Variants in CSMD3 observed in about 807,000 individuals in gnomAD.
The protein encoded by CSMD3 is CUB and sushi domain-containing protein 3.
In CSMD3, 177 loss-of-function variants were observed where a neutral mutation model predicts 435.2. The observed-to-expected ratio is 0.41, with a 90% CI of 0.36 to 0.46. The LOEUF is 0.46. Ranked by LOEUF, CSMD3 falls within the 20% of genes least tolerant of loss-of-function variation. CSMD3 has a pLI of 0.34. For synonymous variants in CSMD3, 1,656 were observed against 1,520.5 expected (o/e 1.09, Z -2.07); for missense variants, 4,265 against 4,504.6 (o/e 0.95, Z 1.52).
intron 3 of CSMD3, among the ~76,000 whole-genome samples, chr8:113,227,057 T>C (rs1474224233): frequency 6.6e-6 from 1 of 151,594 alleles, no homozygotes; most frequent in African/African-American, 2.4e-5. Flanking sequence ...GGTTTTAAAA[T>C]AAGCAAAAGG....
chr8:112,497,038 T>C (rs1449660928), intron 30 of CSMD3, among the ~76,000 whole-genome samples: 1 of 152,166 alleles, frequency 6.6e-6, no homozygotes, highest in African/African-American at 2.4e-5. Context: ...ACACATTGTA[T>C]ACCTGTATCA....
chr8:112,813,014 T>TA (rs2079270463), intron 12 of CSMD3, among the ~76,000 whole-genome samples: 1 of 152,132 alleles, frequency 6.6e-6, no homozygotes, highest in Non-Finnish European at 1.5e-5. Context: ...GAAAATGTTG[T>TA]AGAAAAAAAC....
At chr8:113,146,985 C>T (rs886181846) in intron 4 of CSMD3, among the ~76,000 whole-genome samples, 1 of 151,580 alleles carries the variant, frequency 6.6e-6, no homozygotes, top group Non-Finnish European at 1.5e-5. Flanking sequence ...AGGTGATATG[C>T]ACAACTGAGC....
intron 13 of CSMD3, among the ~76,000 whole-genome samples, chr8:112,786,994 T>C (rs1253632839): frequency 2.6e-5 from 4 of 152,166 alleles, no homozygotes; most frequent in Admixed American, 2.0e-4. Flanking sequence ...TTTGGTTTTC[T>C]GTTCCTGTGT....
chr8:112,688,511 A>G (rs1348456880), intron 14 of CSMD3, among the ~76,000 whole-genome samples: 15 of 152,222 alleles, frequency 9.9e-5, no homozygotes, highest in Non-Finnish European at 2.9e-5. Context: ...TTGCAAAGCA[A>G]TTTCTGTATA....
chr8:113,174,431 G>A (rs1036557280), intron 3 of CSMD3, among the ~76,000 whole-genome samples: 2 of 151,970 alleles, frequency 1.3e-5, no homozygotes, highest in Non-Finnish European at 2.9e-5. Context: ...CGGTGAGCTA[G>A]AATTCCAACT....
At chr8:112,591,827 AT>A (rs547125600) in intron 22 of CSMD3, among the ~76,000 whole-genome samples, 13 of 151,886 alleles carry the variant, frequency 8.6e-5, no homozygotes, top group African/African-American at 1.9e-4. Context: ...GTGAATTCAG[AT>A]TTTTTTTCAT....
chr8:112,829,927 A>ACACAC, intron 11 of CSMD3, 138 bp from the exon 12 acceptor site: 3 of 509,564 alleles, frequency 5.9e-6, no homozygotes, highest in Non-Finnish European at 1.0e-5. Flanking sequence ...ACACACACAC[A>ACACAC]AGCAGTTCAA....
intron 38 of CSMD3, among the ~76,000 whole-genome samples, chr8:112,368,841 G>A (rs1242350709): frequency 2.0e-5 from 3 of 151,994 alleles, no homozygotes; most frequent in Admixed American, 6.6e-5. Context: ...TTGTAAAATA[G>A]GGTTAAAAAT....
intron 13 of CSMD3, among the ~76,000 whole-genome samples, chr8:112,724,820 G>A (rs141855141): frequency 6.6e-6 from 1 of 152,146 alleles, no homozygotes; most frequent in East Asian, 1.9e-4. Context: ...AGAAAACAAT[G>A]TGACAGGAGA....
At position 112,306,110 on chromosome 8, in the gene CSMD3, A is replaced by G. The variant is rs764608701; in HGVS notation, c.7968T>C (p.Tyr2656=). ...ACAATCGATATCCATCATTACAAAA[A>G]TAGGTAACTCGCGTTCCTACCAAAT... ...TDYLVGTRVT[Y]FCNDGYRLSS... Residue 2656 remains tyrosine, a synonymous_variant, in exon 51 of 71, where the codon TAT becomes TAC. Coordinates refer to ENST00000297405, the MANE Select transcript of CSMD3 (RefSeq NM_198123.2). The G allele has an allele frequency of 9.9e-6, 16 of 1,613,408 alleles. No individual in the cohort carries two copies. In the African/African-American group the frequency reaches 1.9e-4, roughly 19 times the overall value.
At chr8:112,810,624 G>T (rs1340435350) in intron 12 of CSMD3, among the ~76,000 whole-genome samples, 6 of 152,028 alleles carry the variant, frequency 3.9e-5, no homozygotes, top group Non-Finnish European at 8.8e-5. Flanking sequence ...AATACTGGAA[G>T]TTCAATCTGT....
intron 4 of CSMD3, among the ~76,000 whole-genome samples, chr8:113,171,276 TA>T (rs369656620): frequency 3.2e-4 from 48 of 147,860 alleles, no homozygotes; most frequent in South Asian, 4.3e-4. Flanking sequence ...CCAGTATAGC[TA>T]AAAAAAAAAT....
chr8:112,960,918 A>G (rs772407796), intron 7 of CSMD3, among the ~76,000 whole-genome samples: 1 of 151,756 alleles, frequency 6.6e-6, no homozygotes, highest in Non-Finnish European at 1.5e-5. Context: ...AACAGCCAAT[A>G]CATTTTTTTA....
At chr8:112,347,457 T>G (rs1367785475) in intron 40 of CSMD3, among the ~76,000 whole-genome samples, 3 of 152,190 alleles carry the variant, frequency 2.0e-5, no homozygotes, top group Non-Finnish European at 2.9e-5. Flanking sequence ...GTTATATATT[T>G]TAAAGGCAAA....
intron 22 of CSMD3, among the ~76,000 whole-genome samples, chr8:112,591,613 T>A (rs1029046577): frequency 6.6e-6 from 1 of 152,092 alleles, no homozygotes; most frequent in African/African-American, 2.4e-5. Context: ...GCAGGCAAAA[T>A]ATACTTGATT....
At chr8:112,648,308 C>T (rs1034393085) in intron 19 of CSMD3, among the ~76,000 whole-genome samples, 2 of 152,188 alleles carry the variant, frequency 1.3e-5, no homozygotes, top group African/African-American at 4.8e-5. Context: ...CTGCTTTATA[C>T]ACAGCTTAGA....
At chr8:112,588,154 T>C (rs1344480117) in intron 22 of CSMD3, among the ~76,000 whole-genome samples, 1 of 151,704 alleles carries the variant, frequency 6.6e-6, no homozygotes, top group Non-Finnish European at 1.5e-5. Flanking sequence ...AATATTTACA[T>C]TTTCAAATAT....
chr8:112,919,576 T>C (rs6469444), intron 10 of CSMD3, among the ~76,000 whole-genome samples: 1 of 151,932 alleles, frequency 6.6e-6, no homozygotes, highest in Non-Finnish European at 1.5e-5. Context: ...CTGTCATCTA[T>C]TTTCACATCC....
Sources: gnomAD v4.1 joint callset for allele counts (sites outside exome capture counted in the v4.1 genomes callset) on GRCh38, gnomAD v4.1.1 for gene constraint, MANE v1.5 for transcripts, NCBI Gene and HGNC (gene_info 2026-07-23, HGNC 2026-07-21) for gene names.